The following PRMT7 variants were observed in gnomAD, a reference collection of about 807,000 sequenced individuals.
PRMT7 encodes protein arginine N-methyltransferase 7.
PRMT7 carries 75 observed loss-of-function variants against 85.4 expected under a neutral mutation model. The observed-to-expected ratio is 0.88, with a 90% CI of 0.73 to 1.06. The LOEUF is 1.06. PRMT7 is among the 50% of genes least tolerant of loss of function. PRMT7 has a pLI of 0.00. For synonymous variants in PRMT7, 397 were observed against 359.5 expected (o/e 1.10, Z -1.18); for missense variants, 868 against 915.2 (o/e 0.95, Z 0.67).
chr16:68,352,194 C>T, intron 14 of PRMT7, 54 bp from the exon 15 acceptor site: 2 of 1,583,952 alleles, frequency 1.3e-6, no homozygotes, highest in Non-Finnish European at 1.7e-6. Context: ...CCTGTTAACA[C>T]TCCTGGACCG....
chr16:68,342,016 G>T (rs550538977), intron 9 of PRMT7, among the ~76,000 whole-genome samples: 77 of 152,092 alleles, frequency 5.1e-4, no homozygotes, highest in Non-Finnish European at 8.2e-4. Flanking sequence ...GGTGGCTCAC[G>T]CCTGTAATCC....
chr16:68,313,511 G>A (rs1343675233), intron 2 of PRMT7, among the ~76,000 whole-genome samples: 1 of 152,156 alleles, frequency 6.6e-6, no homozygotes, highest in African/African-American at 2.4e-5. Flanking sequence ...CTAATTGGAT[G>A]AAATGCCTTC....
At chr16:68,317,955 ACGC>A (rs1192278698) in intron 3 of PRMT7, among the ~76,000 whole-genome samples, 2 of 152,124 alleles carry the variant, frequency 1.3e-5, no homozygotes, top group African/African-American at 2.4e-5. Context: ...CCGAAAGCAT[ACGC>A]GGGGTCATTT....
chr16:68,337,867 G>A (rs2084931518), intron 7 of PRMT7, among the ~76,000 whole-genome samples: 1 of 152,366 alleles, frequency 6.6e-6, no homozygotes, highest in Middle Eastern at 3.4e-3. Context: ...AAGTGATCAG[G>A]TGTTGGCCTG....
chr16:68,333,939 T>A (rs1484210570), intron 6 of PRMT7, among the ~76,000 whole-genome samples: 1 of 152,000 alleles, frequency 6.6e-6, no homozygotes, highest in Non-Finnish European at 1.5e-5. Flanking sequence ...CCTGGCTAAT[T>A]TTTGTATTTT....
chr16:68,325,143 A>G (rs2082955177), intron 5 of PRMT7, among the ~76,000 whole-genome samples: 2 of 151,618 alleles, frequency 1.3e-5, no homozygotes. Context: ...CAATTGCTTG[A>G]GCCCAGGAGT....
chr16:68,333,226 G>A (rs2084165838), intron 6 of PRMT7, among the ~76,000 whole-genome samples: 1 of 152,082 alleles, frequency 6.6e-6, no homozygotes, highest in Admixed American at 6.6e-5. Context: ...GCTTATGCCT[G>A]TAATCCTAGC....
downstream of PRMT7, chr16:68,359,214 G>GGGCC (rs1481556144): frequency 6.6e-6 from 1 of 152,420 alleles, no homozygotes; most frequent in African/African-American, 2.4e-5. Context: ...TAGGGGTCCA[G>GGGCC]GGCCGGCCGG....
chr16:68,347,537 CCT>C (rs2086603293), intron 12 of PRMT7, 92 bp from the exon 13 acceptor site: 1 of 1,377,216 alleles, frequency 7.3e-7, no homozygotes, highest in African/African-American at 1.4e-5. Context: ...TCAGGTGTGT[CCT>C]CTGTCTTAGG....
At chr16:68,335,363 T>A (rs984830590) in intron 6 of PRMT7, among the ~76,000 whole-genome samples, 1 of 23,260 alleles carries the variant, frequency 4.3e-5, no homozygotes, top group Non-Finnish European at 8.9e-5. Flanking sequence ...TGTGACTCAT[T>A]GATTGATTGA....
intron 4 of PRMT7, 172 bp from the exon 5 acceptor site, chr16:68,324,511 G>A: frequency 1.5e-6 from 1 of 673,406 alleles, no homozygotes; most frequent in Non-Finnish European, 2.5e-6. Flanking sequence ...AAGGGCAAGG[G>A]GCTGACTCAC....
At chr16:68,312,201 ATATT>A (rs1373512265) in intron 2 of PRMT7, 25 bp downstream of exon 2, 22 of 97,356 alleles carry the variant, frequency 2.3e-4, no homozygotes, top group African/African-American at 1.0e-3. Flanking sequence ...TAATATATGT[ATATT>A]TATATATATA....
chr16:68,314,317 G>A (rs867130566), intron 2 of PRMT7, among the ~76,000 whole-genome samples: 3 of 152,140 alleles, frequency 2.0e-5, no homozygotes, highest in South Asian at 2.1e-4. Context: ...TGCAACCTCC[G>A]CCTCCTGGAT....
At chr16:68,335,446 A>G (rs926224825) in intron 6 of PRMT7, among the ~76,000 whole-genome samples, 3 of 151,834 alleles carry the variant, frequency 2.0e-5, no homozygotes, top group African/African-American at 4.8e-5. Context: ...AGTGTATTCC[A>G]GTTGGAGTTT....
In PRMT7 at chr16:68,347,810, C is replaced by T. The variant is rs2086642878; in HGVS notation, c.1323+132C>T. ...TTGCACCCCTGTGTTGTCTTGGTTG[C>T]TGCCTGGAGAGCAGCCAGAGGCCTT... On this transcript the variant is annotated intron_variant, in intron 13 of 18. Transcript: ENST00000441236. The T allele has an allele frequency of 3.9e-6, 3 of 776,340 alleles. No individual in the cohort carries two copies. In the East Asian group the frequency reaches 8.0e-5, roughly 21 times the overall value. The allele number at this position is 776,340 out of a possible 1,614,324, so 48.1% of individuals were successfully genotyped here.
chr16:68,342,646 G>A (rs1047799153), intron 9 of PRMT7, among the ~76,000 whole-genome samples: 2 of 152,248 alleles, frequency 1.3e-5, no homozygotes, highest in East Asian at 3.9e-4. Flanking sequence ...TGTTTAGGCC[G>A]AAGGGTTGTG....
At chr16:68,321,405 A>G (rs761356401) in intron 3 of PRMT7, 21 bp from the exon 4 acceptor site, 2 of 1,592,140 alleles carry the variant, frequency 1.3e-6, no homozygotes, top group Non-Finnish European at 1.7e-6. Flanking sequence ...TGCAAAGGTT[A>G]CTGACTTTTT....
rs1567686491 is a variant in PRMT7, at chr16:68,336,212, T to G, written c.392-1247T>G. 2.0e-5 allele frequency among the ~76,000 whole-genome samples: 3 copies of G among 152,248 alleles called. No individual in the cohort carries two copies. The South Asian group carries it at 6.2e-4, about 31-fold the overall frequency. The stretch of plus-strand genomic sequence containing the variant: ...AGTGTTTACAGTTAATTCTCCCTGA[T>G]GAATAGCCCCTTCCAAAGTCTATTT... On this transcript the variant is annotated intron_variant, in intron 6 of 18. Transcript: ENST00000441236.
intron 10 of PRMT7, 107 bp from the exon 11 acceptor site, chr16:68,346,037 GT>G: frequency 6.6e-7 from 1 of 1,513,940 alleles, no homozygotes; most frequent in Non-Finnish European, 9.0e-7. Flanking sequence ...GAATTAGCGG[GT>G]GCTCTAAGCC....
Sources: allele counts gnomAD v4.1 joint callset (sites outside exome capture counted in the v4.1 genomes callset), GRCh38; gene constraint gnomAD v4.1.1; transcripts MANE v1.5; gene names NCBI Gene and HGNC (gene_info 2026-07-23, HGNC 2026-07-21).